Variants in UBE3A observed in about 807,000 individuals in gnomAD.
UBE3A encodes the protein ubiquitin-protein ligase E3A.
UBE3A carries 6 observed loss-of-function variants against 83.4 expected under a neutral mutation model. The observed-to-expected ratio is 0.07, with a 90% CI of 0.04 to 0.14. UBE3A has a LOEUF of 0.14. UBE3A is among the 10% of genes least tolerant of loss of function. UBE3A has a pLI of 1.00. For synonymous variants in UBE3A, 337 were observed against 355.4 expected, an observed-to-expected ratio of 0.95 and a Z score of 0.58; for missense variants, 456 against 1,036.1, an observed-to-expected ratio of 0.44 and a Z score of 7.69.
intron 1 of UBE3A, among the ~76,000 whole-genome samples, chr15:25,416,619 G>A (rs1886961545): frequency 1.4e-5 from 2 of 143,462 alleles, no homozygotes; most frequent in Admixed American, 7.1e-5. Flanking sequence ...TATACACTTA[G>A]AAGTGTATAG....
At chr15:25,350,533 T>TA (rs879297230) in intron 11 of UBE3A, among the ~76,000 whole-genome samples, 7 of 152,216 alleles carry the variant, frequency 4.6e-5, no homozygotes, top group Non-Finnish European at 8.8e-5. Flanking sequence ...AATCCAATAT[T>TA]AAAAATGAGG....
chr15:25,367,208 A>C (rs528883641), intron 6 of UBE3A, among the ~76,000 whole-genome samples: 1 of 94,608 alleles, frequency 1.1e-5, no homozygotes, highest in Admixed American at 9.0e-5. Flanking sequence ...CATATTTGTA[A>C]ATATGTAAAT....
intron 4 of UBE3A, among the ~76,000 whole-genome samples, chr15:25,400,960 A>G (rs188158824): frequency 4.9e-4 from 75 of 152,320 alleles, no homozygotes; most frequent in African/African-American, 1.8e-3. Flanking sequence ...TTTATTTTAT[A>G]GAGGTACATT....
chr15:25,370,321 G>C lies in UBE3A; in HGVS notation c.1608+245C>G, dbSNP rs1003630203. ...AAGAAACTTTGGATTTAGTTTTCAA[G>C]ATTTAGAAAACCCATTCTTTTTCAA... On this transcript the variant is annotated intron_variant, in intron 6 of 12. Transcript: ENST00000648336. This position sits in a 1 kb window ranked among gnomAD's most constrained non-coding sequence, Gnocchi z 4.2. Among the ~76,000 whole-genome samples, 1 of 152,154 alleles carries C rather than the reference G, an allele frequency of 6.6e-6. No individual in the cohort carries two copies. The highest frequency in any genetic ancestry group is 2.4e-5 in the African/African-American group (1 of 41,436).
intron 4 of UBE3A, among the ~76,000 whole-genome samples, chr15:25,402,979 C>T (rs1358657416): frequency 1.3e-5 from 2 of 152,158 alleles, no homozygotes; most frequent in Admixed American, 1.3e-4. Flanking sequence ...TCTGGCATCC[C>T]AACCTTTCCA....
At chr15:25,387,596 A>G (rs1420284912) in intron 4 of UBE3A, among the ~76,000 whole-genome samples, 1 of 152,222 alleles carries the variant, frequency 6.6e-6, no homozygotes, top group Non-Finnish European at 1.5e-5. Context: ...TAGAAAAAGC[A>G]AATTAAATCC....
At chr15:25,362,055 T>C (rs2078203739) in intron 6 of UBE3A, among the ~76,000 whole-genome samples, 1 of 152,178 alleles carries the variant, frequency 6.6e-6, no homozygotes, top group Non-Finnish European at 1.5e-5. Flanking sequence ...CAATCAGCAA[T>C]GGGAAAATCA....
chr15:25,364,081 T>TG (rs34622048), intron 6 of UBE3A, among the ~76,000 whole-genome samples: 1 of 79,412 alleles, frequency 1.3e-5, no homozygotes, highest in African/African-American at 4.8e-5. Flanking sequence ...TAAAAAATAG[T>TG]GGGGGGTGGT....
At position 25,396,086 on chromosome 15, in the gene UBE3A, C is replaced by T. The variant is rs562415173; in HGVS notation, c.62+9375G>A. On this transcript the variant is annotated intron_variant, in intron 4 of 12. Coordinates refer to ENST00000648336, the MANE Select transcript of UBE3A (RefSeq NM_130839.5). ...GCATGGTGGCACATGCCTGTAATCT[C>T]AGCTACTCGGGTGGCTGAGGCAGGA... Among the ~76,000 whole-genome samples, 20 of 151,904 alleles carry T rather than the reference C, an allele frequency of 1.3e-4. No homozygotes were observed. In the South Asian group the frequency reaches 4.0e-3, roughly 30 times the overall value.
chr15:25,367,216 AATATTTAC>A lies in UBE3A; in HGVS notation c.1608+3342_1608+3349del, dbSNP rs1274931425. Among the ~76,000 whole-genome samples, 46 of 74,124 alleles carry A rather than the reference AATATTTAC, an allele frequency of 6.2e-4. No individual in the cohort carries two copies. The East Asian group carries it at 7.6e-3, about 12-fold the overall frequency. The allele number at this position is 74,124 out of a possible 152,430, so 48.6% of individuals were successfully genotyped here. A position where few individuals can be genotyped will look rare whatever the true frequency, so the allele number is the denominator to read the frequency against. ...ATATTTACATATTTGTAAATATGTA[AATATTTAC>A]ATATTTGTAAATATGTAAATATTTG... On this transcript the variant is annotated intron_variant, in intron 6 of 12. Transcript: ENST00000648336.
At chr15:25,388,793 A>G (rs765310373) in intron 4 of UBE3A, among the ~76,000 whole-genome samples, 3 of 152,216 alleles carry the variant, frequency 2.0e-5, no homozygotes, top group Non-Finnish European at 4.4e-5. Context: ...GTTCATATAA[A>G]AAAGTTAATA....
intron 4 of UBE3A, among the ~76,000 whole-genome samples, chr15:25,394,054 T>C (rs1462361061): frequency 6.6e-6 from 1 of 152,188 alleles, no homozygotes; most frequent in East Asian, 1.9e-4. Flanking sequence ...TTCTTAGCTA[T>C]TCCCAAGCAT....
Position 25,409,187 on chromosome 15 carries a change from C to A in UBE3A, c.-80G>T. On this transcript the variant is annotated 5_prime_UTR_variant, in exon 3 of 13. Coordinates refer to ENST00000648336, the MANE Select transcript of UBE3A (RefSeq NM_130839.5). ...ACACCAGTCTAGCTGCTACCTTGAT[C>A]TGAGCGTAGGCTTAATAACTCTAAT... 1 of 1,390,650 alleles carries A rather than the reference C, an allele frequency of 7.2e-7. No homozygotes were observed. The highest frequency in any genetic ancestry group is 1.2e-5 in the South Asian group (1 of 81,696). 86.1% of individuals were successfully genotyped at this position (1,390,650 alleles called of 1,614,324 possible).
At chr15:25,340,049 C>T (rs373654515) in intron 12 of UBE3A, 36 bp downstream of exon 12, 69 of 1,613,324 alleles carry the variant, frequency 4.3e-5, no homozygotes, top group East Asian at 6.7e-5. Context: ...GCAAGGTTTT[C>T]GGTAGGTATA....
At chr15:25,398,911 T>C (rs1369151149) in intron 4 of UBE3A, among the ~76,000 whole-genome samples, 1 of 150,030 alleles carries the variant, frequency 6.7e-6, no homozygotes, top group Non-Finnish European at 1.5e-5. Flanking sequence ...ATAAATGCTG[T>C]ACTAATTTAC....
Position 25,334,697 on chromosome 15 carries a change from G to C in UBE3A, c.*4440C>G, listed in dbSNP as rs919632693. On this transcript the variant is annotated 3_prime_UTR_variant, in exon 13 of 13. Transcript: ENST00000648336. ...CAAGACAGTGCGGTGCTGGTATAACGACAGACATATAGGGCAATGGAGTAA... is the reference window on the plus strand; with the variant it reads ...CAAGACAGTGCGGTGCTGGTATAACCACAGACATATAGGGCAATGGAGTAA... 1 of 151,834 alleles carries C rather than the reference G, an allele frequency of 6.6e-6. No homozygotes were observed. Among genetic ancestry groups the C allele is most frequent in the East Asian group, 1.9e-4 (1 of 5,176 alleles). 9.4% of individuals were successfully genotyped at this position (151,834 alleles called of 1,614,324 possible).
intron 12 of UBE3A, 185 bp downstream of exon 12, chr15:25,339,900 G>T: frequency 2.8e-6 from 2 of 718,848 alleles, no homozygotes; most frequent in South Asian, 1.9e-5. Flanking sequence ...TTTTAACTAG[G>T]GCAATTTCTT....
At chr15:25,417,708 A>C (rs1887597171) in intron 1 of UBE3A, among the ~76,000 whole-genome samples, 1 of 152,066 alleles carries the variant, frequency 6.6e-6, no homozygotes, top group Non-Finnish European at 1.5e-5. Flanking sequence ...AAACTGAAGC[A>C]CAGGGAAATA....
At chr15:25,408,480 A>G (rs1297584015) in intron 3 of UBE3A, 1 of 1,170,688 alleles carries the variant, frequency 8.5e-7, no homozygotes, top group Non-Finnish European at 1.2e-6. Flanking sequence ...CAATAACCAA[A>G]TAACATTGGA....
Sources: gnomAD v4.1 joint callset for allele counts (sites outside exome capture counted in the v4.1 genomes callset) on GRCh38, gnomAD v4.1.1 for gene constraint, Gnocchi (gnomAD v3.1) non-coding constraint, MANE v1.5 for transcripts, NCBI Gene and HGNC (gene_info 2026-07-23, HGNC 2026-07-21) for gene names.